The following EXT1 variants were observed in gnomAD, a reference collection of about 807,000 sequenced individuals.
EXT1 encodes exostosin-1.
A neutral mutation model predicts 82.5 loss-of-function variants in EXT1; 20 were observed. That is an observed-to-expected ratio of 0.24 (90% CI 0.17 to 0.35). The LOEUF (loss-of-function observed/expected upper bound fraction) is 0.35, where lower values mean the gene tolerates loss of function less well. Ranked by LOEUF, EXT1 falls within the 10% of genes least tolerant of loss-of-function variation. The pLI is 1.00. For missense variants in EXT1, 757 were observed against 936.5 expected (o/e 0.81, Z 2.50); for synonymous variants, 348 against 350.8 (o/e 0.99, Z 0.09).
intron 1 of EXT1, among the ~76,000 whole-genome samples, chr8:117,910,882 T>G (rs548178794): frequency 6.6e-6 from 1 of 152,366 alleles, no homozygotes; most frequent in Non-Finnish European, 1.5e-5. Context: ...GCTTTGCTGC[T>G]GGGTGCCACT....
rs973668100 is a variant in EXT1 at position 117,852,242 on chromosome 8, T to A, written c.963-15041A>T. On this transcript the variant is annotated intron_variant, in intron 1 of 10. Transcript: ENST00000378204. ...GCACGTTGCCTCCTTTCCATAATGCTTTTTGGAGATGTCCCATTGGCTAGC... is the reference window on the plus strand; with the variant it reads ...GCACGTTGCCTCCTTTCCATAATGCATTTTGGAGATGTCCCATTGGCTAGC... 2.6e-5 allele frequency among the ~76,000 whole-genome samples: 4 copies of A among 152,302 alleles called. No individual in the cohort carries two copies. In the South Asian group the frequency reaches 8.3e-4, roughly 32 times the overall value.
At chr8:118,023,956 G>C (rs1198945362) in intron 1 of EXT1, among the ~76,000 whole-genome samples, 1 of 152,224 alleles carries the variant, frequency 6.6e-6, no homozygotes, top group Non-Finnish European at 1.5e-5. Context: ...TGTGCCACAT[G>C]CTGGGAATAC....
chr8:117,915,869 C>G (rs1813739525), intron 1 of EXT1, among the ~76,000 whole-genome samples: 1 of 151,822 alleles, frequency 6.6e-6, no homozygotes. Context: ...CAAAACAAAA[C>G]AAAACAAAAC....
intron 1 of EXT1, among the ~76,000 whole-genome samples, chr8:117,900,481 AGCCTT>A (rs1813421511): frequency 3.9e-5 from 6 of 152,228 alleles, no homozygotes; most frequent in Non-Finnish European, 8.8e-5. Flanking sequence ...TACAGCACAG[AGCCTT>A]AGGGCTGATG....
intron 1 of EXT1, among the ~76,000 whole-genome samples, chr8:118,093,749 C>A (rs1204475198): frequency 1.3e-5 from 2 of 152,200 alleles, no homozygotes; most frequent in East Asian, 3.8e-4. Flanking sequence ...TCTGAATGCT[C>A]CCAGATCTTC....
intron 1 of EXT1, among the ~76,000 whole-genome samples, chr8:118,008,297 T>C (rs1203605552): frequency 6.6e-6 from 1 of 152,140 alleles, no homozygotes; most frequent in Non-Finnish European, 1.5e-5. Flanking sequence ...TTTGCTCTTG[T>C]TGCCCAGGCT....
At chr8:118,079,905 T>C (rs1216593971) in intron 1 of EXT1, among the ~76,000 whole-genome samples, 3 of 152,182 alleles carry the variant, frequency 2.0e-5, no homozygotes, top group African/African-American at 7.2e-5. Flanking sequence ...GCTAATCATA[T>C]AGAAAAGGTG....
At chr8:117,963,246 G>A (rs1814738190) in intron 1 of EXT1, among the ~76,000 whole-genome samples, 1 of 152,134 alleles carries the variant, frequency 6.6e-6, no homozygotes, top group South Asian at 2.1e-4. Context: ...AGGCAGCTGT[G>A]GTTTTCCCGA....
In EXT1 at chr8:117,814,953, C is replaced by T. The variant is rs544720448; in HGVS notation, c.1633-1992G>A. 1.1e-3 allele frequency among the ~76,000 whole-genome samples: 164 copies of T among 152,296 alleles called. 1 individual carries two copies. The highest frequency in any genetic ancestry group is 2.0e-3 in the Non-Finnish European group (139 of 68,018). On this transcript the variant is annotated intron_variant, in intron 7 of 10. Coordinates refer to ENST00000378204, the MANE Select transcript of EXT1 (RefSeq NM_000127.3). The stretch of plus-strand genomic sequence containing the variant: ...GACAGTGGCCACTCTAACTCATCTC[C>T]AAGAGCTCAAGGGACATAGCTGTAG...
intron 1 of EXT1, among the ~76,000 whole-genome samples, chr8:118,072,779 TA>T (rs1817120039): frequency 6.6e-6 from 1 of 152,190 alleles, no homozygotes; most frequent in Admixed American, 6.5e-5. Flanking sequence ...GGATTTTAGC[TA>T]GGCATTTAAC....
intron 1 of EXT1, among the ~76,000 whole-genome samples, chr8:118,041,172 T>C (rs1237501002): frequency 6.6e-6 from 1 of 152,080 alleles, no homozygotes; most frequent in Non-Finnish European, 1.5e-5. Flanking sequence ...AGTCCTCAAG[T>C]CTGAAAAAGT....
At chr8:117,953,239 C>T (rs1323498255) in intron 1 of EXT1, among the ~76,000 whole-genome samples, 1 of 152,032 alleles carries the variant, frequency 6.6e-6, no homozygotes, top group African/African-American at 2.4e-5. Flanking sequence ...CATATATATA[C>T]ATATATCTGC....
intron 3 of EXT1, among the ~76,000 whole-genome samples, chr8:117,833,832 A>T (rs1206806202): frequency 6.6e-6 from 1 of 152,190 alleles, no homozygotes. Flanking sequence ...GGAAGAAAAA[A>T]GGCTACATGG....
intron 1 of EXT1, among the ~76,000 whole-genome samples, chr8:117,906,122 G>A (rs73704829): frequency 0.05 from 7,679 of 152,140 alleles, 652 homozygotes; most frequent in African/African-American, 0.17. Flanking sequence ...TCTATCCCTC[G>A]TATTTCTTAC....
At chr8:118,098,384 C>T (rs948676151) in intron 1 of EXT1, among the ~76,000 whole-genome samples, 2 of 152,072 alleles carry the variant, frequency 1.3e-5, no homozygotes, top group African/African-American at 4.8e-5. Context: ...CAGGGCCAGC[C>T]CTAGCCCTAG....
intron 1 of EXT1, among the ~76,000 whole-genome samples, chr8:117,869,162 A>T (rs1586253042): frequency 1.3e-5 from 2 of 152,166 alleles, no homozygotes; most frequent in African/African-American, 4.8e-5. Flanking sequence ...CATGTCCTCC[A>T]GTTTGCTCTG....
At chr8:118,108,961 G>A (rs1308804613) in intron 1 of EXT1, among the ~76,000 whole-genome samples, 1 of 152,140 alleles carries the variant, frequency 6.6e-6, no homozygotes, top group African/African-American at 2.4e-5. Context: ...AGGCTGCTCT[G>A]GTTTTTAACT....
At chr8:117,970,322 G>A (rs575849438) in intron 1 of EXT1, among the ~76,000 whole-genome samples, 5 of 103,168 alleles carry the variant, frequency 4.8e-5, no homozygotes, top group Non-Finnish European at 1.0e-4. Context: ...TTTTTTTTTT[G>A]ACACGGAGTC....
intron 1 of EXT1, among the ~76,000 whole-genome samples, chr8:117,986,431 G>A (rs1815321007): frequency 6.6e-6 from 1 of 152,014 alleles, no homozygotes; most frequent in Non-Finnish European, 1.5e-5. Flanking sequence ...TCCTAATCTT[G>A]AGTGATCCAC....
Sources: allele counts gnomAD v4.1 joint callset (sites outside exome capture counted in the v4.1 genomes callset), GRCh38; gene constraint gnomAD v4.1.1; transcripts MANE v1.5; gene names NCBI Gene and HGNC (gene_info 2026-07-23, HGNC 2026-07-21).